LRMDA: variants seen among roughly 807,000 people sequenced by gnomAD.
LRMDA encodes leucine-rich melanocyte differentiation-associated protein.
Under a neutral mutation model 29.8 loss-of-function variants are expected in LRMDA, and 18 were observed. The ratio of observed to expected loss-of-function variants is 0.60; its 90% CI spans 0.42 to 0.90. The LOEUF (loss-of-function observed/expected upper bound fraction) is 0.90. Among genes scored for constraint, LRMDA ranks in the 40% least tolerant of loss-of-function variants. The pLI is 0.00. For missense variants in LRMDA, 273 were observed against 273.9 expected, an observed-to-expected ratio of 1.00 and a Z score of 0.02; for synonymous variants, 125 against 109.4, an observed-to-expected ratio of 1.14 and a Z score of -0.89.
At chr10:76,000,234 T>A (rs934823998) in intron 2 of LRMDA, among the ~76,000 whole-genome samples, 2 of 152,244 alleles carry the variant, frequency 1.3e-5, no homozygotes, top group Admixed American at 1.3e-4. Flanking sequence ...TGACATTATA[T>A]GTGTGGCAAG....
intron 5 of LRMDA, among the ~76,000 whole-genome samples, chr10:76,095,470 G>A (rs1849298730): frequency 6.6e-6 from 1 of 152,216 alleles, no homozygotes; most frequent in Non-Finnish European, 1.5e-5. Context: ...TGAAATTTGT[G>A]TGTGGACGTG....
intron 2 of LRMDA, among the ~76,000 whole-genome samples, chr10:75,725,483 T>C (rs1239362680): frequency 5.9e-5 from 9 of 152,226 alleles, no homozygotes; most frequent in Non-Finnish European, 1.5e-5. Context: ...TGATTTATAA[T>C]TTATGATTTT....
At chr10:75,748,195 G>A (rs1165674874) in intron 2 of LRMDA, among the ~76,000 whole-genome samples, 1 of 152,126 alleles carries the variant, frequency 6.6e-6, no homozygotes, top group Non-Finnish European at 1.5e-5. Context: ...CCAGGTTCAA[G>A]TGATTTTCCT....
At chr10:76,100,087 T>C (rs1309892053) in intron 5 of LRMDA, among the ~76,000 whole-genome samples, 1 of 152,200 alleles carries the variant, frequency 6.6e-6, no homozygotes, top group Non-Finnish European at 1.5e-5. Context: ...TTTTTTGCTT[T>C]ATGTATTTTG....
At chr10:76,442,785 A>T (rs966601604) in intron 6 of LRMDA, among the ~76,000 whole-genome samples, 1 of 152,180 alleles carries the variant, frequency 6.6e-6, no homozygotes, top group Non-Finnish European at 1.5e-5. Context: ...GTGCATAGAA[A>T]TATTTGTTTG....
chr10:76,014,445 C>T (rs560499769), intron 2 of LRMDA, among the ~76,000 whole-genome samples: 81 of 152,064 alleles, frequency 5.3e-4, no homozygotes, highest in Non-Finnish European at 9.7e-4. Context: ...AAATGACTTG[C>T]TCTCACATCC....
intron 2 of LRMDA, among the ~76,000 whole-genome samples, chr10:76,031,668 T>C (rs1383767436): frequency 2.6e-5 from 4 of 152,046 alleles, no homozygotes; most frequent in African/African-American, 9.7e-5. Flanking sequence ...CTAGCCAGGG[T>C]AGTAGACATC....
At chr10:76,169,902 A>G (rs190885562) in intron 5 of LRMDA, among the ~76,000 whole-genome samples, 2 of 152,264 alleles carry the variant, frequency 1.3e-5, no homozygotes, top group African/African-American at 4.8e-5. Flanking sequence ...CATGCATTCT[A>G]AGAGGTTTAC....
At chr10:76,173,942 G>A (rs1850886090) in intron 5 of LRMDA, among the ~76,000 whole-genome samples, 1 of 152,152 alleles carries the variant, frequency 6.6e-6, no homozygotes, top group Admixed American at 6.5e-5. Flanking sequence ...TTACAGGTGC[G>A]AGCCACTGCA....
In LRMDA at chr10:76,051,991, G is replaced by GAGGT. The variant is rs147221103; in HGVS notation, c.398+4690_398+4693dup. Among the ~76,000 whole-genome samples the GAGGT allele has an allele frequency of 7.4e-3, 1,130 of 152,306 alleles. 16 individuals are homozygous for GAGGT. The highest frequency in any genetic ancestry group is 0.026 in the African/African-American group (1,071 of 41,548). ...GTTGATCACGGCTTCTGTTCAGCATGAGGTAACCAGTGCTATTAAATGGAG... is the reference window on the plus strand; with the variant it reads ...GTTGATCACGGCTTCTGTTCAGCATGAGGTAGGTAACCAGTGCTATTAAATGGAG... On this transcript the variant is annotated intron_variant, in intron 4 of 6. Transcript: ENST00000611255.
chr10:75,988,405 T>C (rs867337638), intron 2 of LRMDA, among the ~76,000 whole-genome samples: 1 of 152,116 alleles, frequency 6.6e-6, no homozygotes, highest in Non-Finnish European at 1.5e-5. Flanking sequence ...TTCCCCATTC[T>C]ACATTCAGCA....
chr10:75,988,574 C>T (rs925564429), intron 2 of LRMDA, among the ~76,000 whole-genome samples: 3 of 152,070 alleles, frequency 2.0e-5, no homozygotes, highest in East Asian at 1.9e-4. Context: ...TCACGCAGAC[C>T]GGAACAGAGT....
At chr10:75,861,974 C>A (rs1535570) in intron 2 of LRMDA, among the ~76,000 whole-genome samples, 90,612 of 151,886 alleles carry the variant, frequency 0.6, 27,611 homozygotes, top group East Asian at 0.9. Flanking sequence ...AGCTATCCCC[C>A]CCAAGATTCT....
At chr10:75,829,411 T>G (rs1221364581) in intron 2 of LRMDA, among the ~76,000 whole-genome samples, 1 of 152,170 alleles carries the variant, frequency 6.6e-6, no homozygotes, top group Non-Finnish European at 1.5e-5. Context: ...GCCCTGCAGC[T>G]TCTCTCTACT....
At chr10:76,178,571 A>C (rs1850983922) in intron 5 of LRMDA, among the ~76,000 whole-genome samples, 1 of 152,164 alleles carries the variant, frequency 6.6e-6, no homozygotes, top group African/African-American at 2.4e-5. Context: ...GTGGTAGGGA[A>C]ACAGGGATCC....
At chr10:76,037,487 G>T (rs536045661) in intron 3 of LRMDA, among the ~76,000 whole-genome samples, 1 of 152,244 alleles carries the variant, frequency 6.6e-6, no homozygotes, top group Non-Finnish European at 1.5e-5. Flanking sequence ...CAAGCCATAA[G>T]TTAATGTTTT....
chr10:76,107,116 G>A (rs951894009), intron 5 of LRMDA, among the ~76,000 whole-genome samples: 3 of 152,178 alleles, frequency 2.0e-5, no homozygotes, highest in African/African-American at 7.2e-5. Flanking sequence ...GGAGGTAGAG[G>A]CCTGCACATG....
intron 5 of LRMDA, among the ~76,000 whole-genome samples, chr10:76,178,960 A>C (rs965516939): frequency 1.3e-5 from 2 of 152,138 alleles, no homozygotes; most frequent in Admixed American, 1.3e-4. Context: ...GTGTTTGTTC[A>C]CAAGAGAACC....
intron 2 of LRMDA, among the ~76,000 whole-genome samples, chr10:75,502,544 A>G (rs1358723782): frequency 6.6e-6 from 1 of 152,110 alleles, no homozygotes; most frequent in African/African-American, 2.4e-5. Flanking sequence ...TTCTTTGGGA[A>G]GAATCTGGTA....
Sources: allele counts gnomAD v4.1 joint callset (sites outside exome capture counted in the v4.1 genomes callset), GRCh38; gene constraint gnomAD v4.1.1; transcripts MANE v1.5; gene names NCBI Gene and HGNC (gene_info 2026-07-23, HGNC 2026-07-21).